ANKRD10: variants seen among roughly 807,000 people sequenced by gnomAD.
ANKRD10 encodes ankyrin repeat domain 10.
A neutral mutation model predicts 27.0 loss-of-function variants in ANKRD10; 14 were observed. The observed-to-expected ratio is 0.52, with a 90% CI of 0.34 to 0.81. The LOEUF (loss-of-function observed/expected upper bound fraction) is 0.81. Ranked by LOEUF, ANKRD10 falls within the 40% of genes least tolerant of loss-of-function variation. The pLI is 0.01. For missense variants in ANKRD10, 493 were observed against 544.0 expected (o/e 0.91, Z 0.93); for synonymous variants, 250 against 224.5 (o/e 1.11, Z -1.01).
intron 2 of ANKRD10, among the ~76,000 whole-genome samples, chr13:110,907,693 T>C (rs2065576482): frequency 6.6e-6 from 1 of 152,182 alleles, no homozygotes; most frequent in Non-Finnish European, 1.5e-5. Context: ...ACCATGCGGC[T>C]ATAAACTATC....
At chr13:110,914,655 C>G (rs2065834378) in intron 1 of ANKRD10, 70 bp downstream of exon 1, 1 of 1,500,138 alleles carries the variant, frequency 6.7e-7, no homozygotes, top group Non-Finnish European at 8.9e-7. Flanking sequence ...TCCCCCGCAC[C>G]TCAGACCCGC....
chr13:110,902,436 TTTAA>T (rs767012417), intron 3 of ANKRD10, among the ~76,000 whole-genome samples: 1 of 152,202 alleles, frequency 6.6e-6, no homozygotes, highest in Admixed American at 6.5e-5. Flanking sequence ...TAAAATTTCT[TTTAA>T]TTAAAGTGAA....
Position 110,879,557 on chromosome 13 carries a change from G to A in ANKRD10, c.*80C>T, listed in dbSNP as rs1397101937. On this transcript the variant is annotated 3_prime_UTR_variant, in exon 6 of 6. Transcript: ENST00000267339. ...AAAAAACGTACAAGTTGTGACATTC[G>A]TTCAAGTTGCTGCTACATGGGTATT... 2.8e-6 allele frequency: 3 copies of A among 1,086,252 alleles called. No homozygotes were observed. Among genetic ancestry groups the A allele is most frequent in the Non-Finnish European group, 2.7e-6 (2 of 744,724 alleles). 67.3% of individuals were successfully genotyped at this position (1,086,252 alleles called of 1,614,324 possible). A position where few individuals can be genotyped will look rare whatever the true frequency, so the allele number is the denominator to read the frequency against.
chr13:110,914,503 C>T (rs2065826522), intron 1 of ANKRD10: 4 of 472,510 alleles, frequency 8.5e-6, no homozygotes, highest in African/African-American at 6.1e-5. Context: ...GCAGGCGCCA[C>T]CGACCTCGCT....
At position 110,893,166 on chromosome 13, in the gene ANKRD10, G is replaced by T. The variant is rs1373794453; in HGVS notation, c.553C>A (p.Leu185Met). The change falls in exon 4 of 6, where the codon CTG (leucine) becomes ATG (methionine). Residue 185 changes from leucine (L) to methionine (M), a missense_variant. Coordinates refer to ENST00000267339, the MANE Select transcript of ANKRD10 (RefSeq NM_017664.4). ...ATGCCATTGTTATAGAAATGGTTCAGATGACAATTCTGGAGGTTCAAGAGA... is the reference window on the plus strand; with the variant it reads ...ATGCCATTGTTATAGAAATGGTTCATATGACAATTCTGGAGGTTCAAGAGA... ...QFLLNLQNCH[L>M]NHFYNNGILN... 6.2e-7 allele frequency: 1 copy of T among 1,614,070 alleles called. No homozygotes were observed. Among genetic ancestry groups the T allele is most frequent in the Non-Finnish European group, 8.5e-7 (1 of 1,180,028 alleles).
intron 2 of ANKRD10, among the ~76,000 whole-genome samples, chr13:110,909,459 CAG>C (rs760003016): frequency 1.1e-4 from 16 of 152,108 alleles, no homozygotes; most frequent in Non-Finnish European, 1.8e-4. Flanking sequence ...AACAGAGCAG[CAG>C]AGAAATATAC....
chr13:110,887,828 C>G (rs1280691651), intron 4 of ANKRD10, among the ~76,000 whole-genome samples: 1 of 152,198 alleles, frequency 6.6e-6, no homozygotes, highest in South Asian at 2.1e-4. Context: ...TGGCCCAGGA[C>G]CCCTCCCGCC....
chr13:110,894,421 A>AAAAAAAAAAAAC (rs1246067616), intron 3 of ANKRD10: 23 of 314,168 alleles, frequency 7.3e-5, no homozygotes, highest in South Asian at 3.6e-4. Context: ...AAAAAAAAAA[A>AAAAAAAAAAAAC]AAAAAACCCC....
chr13:110,910,378 G>A (rs2065659936), intron 2 of ANKRD10, among the ~76,000 whole-genome samples: 1 of 152,144 alleles, frequency 6.6e-6, no homozygotes, highest in Non-Finnish European at 1.5e-5. Flanking sequence ...ATAACCTTGG[G>A]CACATCACCC....
intron 4 of ANKRD10, among the ~76,000 whole-genome samples, chr13:110,887,322 C>T (rs968628562): frequency 5.3e-5 from 8 of 152,072 alleles, no homozygotes; most frequent in Admixed American, 2.6e-4. Context: ...GTTTCAAGTC[C>T]GGGAAGGTCT....
intron 3 of ANKRD10, chr13:110,894,403 C>CAAAGAAAAAA (rs2065165798): frequency 1.6e-5 from 1 of 62,684 alleles, no homozygotes; most frequent in Non-Finnish European, 2.8e-5. Context: ...ACTGTTAATG[C>CAAAGAAAAAA]AAAAAAAAAA....
intron 1 of ANKRD10, chr13:110,914,511 G>A (rs1020045634): frequency 2.7e-4 from 141 of 528,038 alleles, no homozygotes; most frequent in Non-Finnish European, 3.4e-4. Context: ...CACCGACCTC[G>A]CTTCCGCCCC....
intron 2 of ANKRD10, among the ~76,000 whole-genome samples, chr13:110,908,313 G>A (rs1191469736): frequency 1.3e-5 from 2 of 152,146 alleles, no homozygotes; most frequent in African/African-American, 4.8e-5. Context: ...TGCTAATTAC[G>A]CACCAAGGCT....
At chr13:110,890,847 CCAAAA>C (rs2065055787) in intron 4 of ANKRD10, among the ~76,000 whole-genome samples, 1 of 152,142 alleles carries the variant, frequency 6.6e-6, no homozygotes, top group African/African-American at 2.4e-5. Flanking sequence ...CACTGGTCAA[CCAAAA>C]CAAATCCTCC....
At chr13:110,895,085 CAAGGAGAACATAAGTTTACA>C (rs1295960014) in intron 3 of ANKRD10, 1 of 152,032 alleles carries the variant, frequency 6.6e-6, no homozygotes, top group East Asian at 1.9e-4. Flanking sequence ...AAAAACTCTT[CAAGGAGAACATAAGTTTACA>C]AACTGATTAT....
At chr13:110,894,258 A>G (rs1447207859) in intron 3 of ANKRD10, 2 of 1,190,528 alleles carry the variant, frequency 1.7e-6, no homozygotes, top group Admixed American at 3.4e-5. Flanking sequence ...CGGGAGAAGT[A>G]CTTAACAGCA....
At chr13:110,885,513 C>A (rs2064905353) in intron 4 of ANKRD10, among the ~76,000 whole-genome samples, 1 of 151,734 alleles carries the variant, frequency 6.6e-6, no homozygotes, top group Non-Finnish European at 1.5e-5. Context: ...GCGCCACTGC[C>A]CTCCAGCCTG....
At chr13:110,910,497 C>G in intron 2 of ANKRD10, 121 bp downstream of exon 2, 1 of 1,251,264 alleles carries the variant, frequency 8.0e-7, no homozygotes, top group South Asian at 1.4e-5. Flanking sequence ...AAATTCCAGT[C>G]TGCCCTCAGG....
Position 110,914,871 on chromosome 13 carries a change from G to A in ANKRD10, c.64C>T (p.Leu22Phe). 6.5e-7 allele frequency: 1 copy of A among 1,549,980 alleles called. No individual in the cohort carries two copies. Among genetic ancestry groups the A allele is most frequent in the Admixed American group, 1.9e-5 (1 of 51,750 alleles). ...CAGGCGCGGTGCAGCGGGAAACGGA[G>A]CGAGAGCAGCTCCTCGCTGGAGAAG... ...AGFSSEELLS[L>F]RFPLHRACRD... The change falls in exon 1 of 6, where the codon CTC becomes TTC. Residue 22 changes from leucine to phenylalanine, a missense_variant. By Grantham distance (22) the Leu-to-Phe change is conservative. Transcript: ENST00000267339.
Sources: gnomAD v4.1 joint callset for allele counts (sites outside exome capture counted in the v4.1 genomes callset) on GRCh38, gnomAD v4.1.1 for gene constraint, MANE v1.5 for transcripts, NCBI Gene and HGNC (gene_info 2026-07-23, HGNC 2026-07-21) for gene names.